Variants in FGD5 observed in about 807,000 individuals in gnomAD.
FGD5 encodes FYVE, RhoGEF and PH domain containing 5, also known as FYVE, RhoGEF and PH domain-containing protein 5.
A neutral mutation model predicts 133.4 loss-of-function variants in FGD5; 28 were observed. The ratio of observed to expected loss-of-function variants is 0.21; its 90% CI spans 0.16 to 0.29. The LOEUF is 0.29. Among genes scored for constraint, FGD5 ranks in the 10% least tolerant of loss-of-function variants. FGD5 has a pLI of 1.00. For missense variants in FGD5, 1,858 were observed against 1,895.2 expected (o/e 0.98, Z 0.36); for synonymous variants, 810 against 776.5 (o/e 1.04, Z -0.72).
In FGD5 at chr3:14,889,778, A is replaced by G. The variant is rs144028956; in HGVS notation, c.2749-7731A>G. On this transcript the variant is annotated intron_variant, in intron 4 of 19. Transcript: ENST00000285046. ...GGTGTCTCCCTGTGGCTTAATTTGC[A>G]TTTCCCTGATGATTAATAAAACGGA... is the stretch of plus-strand genomic sequence containing the variant. 2.5e-3 allele frequency among the ~76,000 whole-genome samples: 384 copies of G among 152,016 alleles called. 1 individual carries two copies. The highest frequency in any genetic ancestry group is 8.9e-3 in the African/African-American group (367 of 41,434).
chr3:14,919,710 A>G (rs1324994323), intron 13 of FGD5, among the ~76,000 whole-genome samples: 3 of 152,204 alleles, frequency 2.0e-5, no homozygotes, highest in Non-Finnish European at 4.4e-5. Context: ...AGGAAGTCCA[A>G]GGTCAAGGCA....
At chr3:14,855,485 G>T (rs1055205400) in intron 1 of FGD5, among the ~76,000 whole-genome samples, 2 of 152,170 alleles carry the variant, frequency 1.3e-5, no homozygotes, top group Admixed American at 1.3e-4. Context: ...CAGTGTAGAA[G>T]AGTTCCCTTT....
chr3:14,878,849 G>T (rs1268891002), intron 2 of FGD5, among the ~76,000 whole-genome samples: 4 of 151,636 alleles, frequency 2.6e-5, no homozygotes, highest in African/African-American at 9.7e-5. Context: ...TGGGATCACA[G>T]GCGCCCACCA....
In FGD5 at chr3:14,819,788, G is replaced by A. The variant is rs746251582; in HGVS notation, c.717G>A (p.Thr239=). The A allele has an allele frequency of 6.4e-6, 10 of 1,565,980 alleles. No homozygotes were observed. The Admixed American group carries it at 1.1e-4, about 18-fold the overall frequency. The change falls in exon 1 of 20, where the codon ACG becomes ACA. Residue 239 remains threonine, a synonymous_variant. Coordinates refer to ENST00000285046, the MANE Select transcript of FGD5 (RefSeq NM_152536.4). The surrounding 1 kb of genome is among the most constrained non-coding windows in gnomAD (Gnocchi z 4.1). ...AGGGTTCGGGTCCTGACAGGCCCACGGAGGACATGGGACAGGATGCTGAGG... is the reference window on the plus strand; with the variant it reads ...AGGGTTCGGGTCCTGACAGGCCCACAGAGGACATGGGACAGGATGCTGAGG... ...ADEGSGPDRP[T]EDMGQDAEDT...
chr3:14,867,159 G>C (rs902711113), intron 2 of FGD5, among the ~76,000 whole-genome samples: 1 of 152,118 alleles, frequency 6.6e-6, no homozygotes, highest in East Asian at 1.9e-4. Flanking sequence ...AAGTCCCCTC[G>C]AACTCTCATT....
chr3:14,930,147 A>T (rs1407913753), intron 18 of FGD5, among the ~76,000 whole-genome samples: 1 of 152,146 alleles, frequency 6.6e-6, no homozygotes, highest in African/African-American at 2.4e-5. Context: ...TTAAGTCTCA[A>T]ATGATTGAAT....
intron 2 of FGD5, among the ~76,000 whole-genome samples, chr3:14,868,881 G>A (rs1173858201): frequency 2.0e-5 from 3 of 152,212 alleles, no homozygotes; most frequent in Non-Finnish European, 4.4e-5. Context: ...TGAAGACACA[G>A]CAATGACAAG....
chr3:14,917,355 C>T lies in FGD5; in HGVS notation c.3489+23C>T. 6.2e-7 allele frequency: 1 copy of T among 1,604,082 alleles called. No homozygotes were observed. Among genetic ancestry groups the T allele is most frequent in the Non-Finnish European group, 8.5e-7 (1 of 1,175,022 alleles). On this transcript the variant is annotated intron_variant, in intron 12 of 19. Coordinates refer to ENST00000285046, the MANE Select transcript of FGD5 (RefSeq NM_152536.4). This position sits in a 1 kb window ranked among gnomAD's most constrained non-coding sequence, Gnocchi z 4.1. ...AAGGTAAATATCTGGTGCCAGGTAC[C>T]CCCGGGTTGGGGGACAGGGAGACCC...
intron 18 of FGD5, among the ~76,000 whole-genome samples, chr3:14,929,959 T>A (rs569870362): frequency 1.3e-5 from 2 of 152,356 alleles, no homozygotes; most frequent in African/African-American, 4.8e-5. Context: ...TATTTTCCTC[T>A]ATTTTCTGAA....
chr3:14,918,277 A>G (rs971511106), intron 12 of FGD5, among the ~76,000 whole-genome samples: 1 of 152,234 alleles, frequency 6.6e-6, no homozygotes, highest in Admixed American at 6.5e-5. Context: ...GGCGGTTGTC[A>G]TTGTCAAGGG....
At chr3:14,869,155 G>A (rs1157980053) in intron 2 of FGD5, among the ~76,000 whole-genome samples, 3 of 152,180 alleles carry the variant, frequency 2.0e-5, no homozygotes, top group African/African-American at 7.2e-5. Context: ...TTATCTGGGT[G>A]TGGTGGCACG....
At chr3:14,895,614 C>A (rs1245893442) in intron 4 of FGD5, among the ~76,000 whole-genome samples, 1 of 152,186 alleles carries the variant, frequency 6.6e-6, no homozygotes, top group East Asian at 1.9e-4. Flanking sequence ...TGCTCTGTCA[C>A]CCAGGCTGGA....
intron 2 of FGD5, among the ~76,000 whole-genome samples, chr3:14,877,305 T>C (rs1236626654): frequency 6.6e-6 from 1 of 152,226 alleles, no homozygotes; most frequent in Non-Finnish European, 1.5e-5. Flanking sequence ...GCAGAGTCAC[T>C]GAAGCAGGAC....
At chr3:14,826,344 ATTAG>A (rs2036598113) in intron 1 of FGD5, among the ~76,000 whole-genome samples, 2 of 150,534 alleles carry the variant, frequency 1.3e-5, no homozygotes, top group South Asian at 4.2e-4. Context: ...GCCCTCATCC[ATTAG>A]TGCATGTTGT....
chr3:14,880,855 C>A, intron 4 of FGD5, 83 bp downstream of exon 4: 1 of 1,541,542 alleles, frequency 6.5e-7, no homozygotes, highest in Non-Finnish European at 8.8e-7. Context: ...AATGTGGAGA[C>A]AGAGGTGATT....
Position 14,820,672 on chromosome 3 carries a change from GCAGGGCCTTGCCAGCAAAGCC to G in FGD5, c.1611_1631del (p.Leu537_Ala543del). ...TTGGAGGGGAAGCCCTTGGAAGCCA[GCAGGGCCTTGCCAGCAAAGCC>G]CAGGGCCTTTACTTTATACCCTCGG... On this transcript the variant is annotated inframe_deletion, in exon 1 of 20. Coordinates refer to ENST00000285046, the MANE Select transcript of FGD5 (RefSeq NM_152536.4). The G allele has an allele frequency of 6.3e-7, 1 of 1,594,420 alleles. No homozygotes were observed. The highest frequency in any genetic ancestry group is 8.5e-7 in the Non-Finnish European group (1 of 1,171,840).
chr3:14,854,387 C>CTTTTTTTT (rs1040857858), intron 1 of FGD5, among the ~76,000 whole-genome samples: 1 of 134,320 alleles, frequency 7.4e-6, no homozygotes, highest in Non-Finnish European at 1.6e-5. Flanking sequence ...TGTTTCTTTT[C>CTTTTTTTT]TTTTTATTTA....
At chr3:14,839,679 T>C (rs1323561588) in intron 1 of FGD5, among the ~76,000 whole-genome samples, 1 of 152,116 alleles carries the variant, frequency 6.6e-6, no homozygotes, top group Non-Finnish European at 1.5e-5. Context: ...ACACCTGTAA[T>C]CCCAGCACTT....
chr3:14,928,252 T>C (rs1034215500), intron 18 of FGD5, among the ~76,000 whole-genome samples: 5 of 151,976 alleles, frequency 3.3e-5, no homozygotes, highest in Middle Eastern at 3.2e-3. Flanking sequence ...TTTTTTATTT[T>C]TTGTAGGGGC....
Sources: gnomAD v4.1 joint callset for allele counts (sites outside exome capture counted in the v4.1 genomes callset) on GRCh38, gnomAD v4.1.1 for gene constraint, Gnocchi (gnomAD v3.1) non-coding constraint, MANE v1.5 for transcripts, NCBI Gene and HGNC (gene_info 2026-07-23, HGNC 2026-07-21) for gene names.